TNFSF4: variants seen among roughly 807,000 people sequenced by gnomAD.
TNFSF4 encodes the protein tumor necrosis factor ligand superfamily member 4.
Under a neutral mutation model 7.3 loss-of-function variants are expected in TNFSF4, and 4 were observed. The observed-to-expected ratio is 0.55, with a 90% CI of 0.27 to 1.25. The LOEUF (loss-of-function observed/expected upper bound fraction) is 1.25, where lower values mean the gene tolerates loss of function less well. Among genes scored for constraint, TNFSF4 ranks in the 50% most tolerant of loss-of-function variants. The pLI, the probability that TNFSF4 is intolerant of heterozygous loss-of-function variation, is 0.12. For missense variants in TNFSF4, 181 were observed against 208.8 expected, an observed-to-expected ratio of 0.87 and a Z score of 0.82; for synonymous variants, 76 against 83.7, an observed-to-expected ratio of 0.91 and a Z score of 0.50.
chr1:173,340,323 TACACACACACAC>T, the TNFSF4 span, among the ~76,000 whole-genome samples: 259 of 135,866 alleles, frequency 1.9e-3, no homozygotes, highest in African/African-American at 4.2e-3. Flanking sequence ...CTAATCTGTT[TACACACACACAC>T]ACACACACAC....
At chr1:173,447,585 A>C in the TNFSF4 span, among the ~76,000 whole-genome samples, 7 of 152,266 alleles carry the variant, frequency 4.6e-5, no homozygotes, top group East Asian at 1.2e-3. Context: ...TTTTTAAAGA[A>C]TGAAATGGAA....
At chr1:173,203,113 A>G (rs1414533174) in intron 1 of TNFSF4, among the ~76,000 whole-genome samples, 4 of 152,192 alleles carry the variant, frequency 2.6e-5, no homozygotes, top group African/African-American at 9.7e-5. Context: ...GCACAAGTAA[A>G]CACTCAATGG....
chr1:173,390,096 T>C, the TNFSF4 span, among the ~76,000 whole-genome samples: 7 of 152,212 alleles, frequency 4.6e-5, no homozygotes. Context: ...GGTAATTTCT[T>C]GGTTTGGATG....
the TNFSF4 span, among the ~76,000 whole-genome samples, chr1:173,339,002 A>C: frequency 6.6e-6 from 1 of 152,150 alleles, no homozygotes; most frequent in Non-Finnish European, 1.5e-5. Context: ...CCCTGTGATT[A>C]AGGTCAGCGG....
chr1:173,247,159 C>T, the TNFSF4 span, among the ~76,000 whole-genome samples: 1 of 152,328 alleles, frequency 6.6e-6, no homozygotes, highest in Admixed American at 6.5e-5. Flanking sequence ...AGAGGGGATT[C>T]TGACCAATTA....
At chr1:173,246,866 T>G in the TNFSF4 span, among the ~76,000 whole-genome samples, 132 of 152,306 alleles carry the variant, frequency 8.7e-4, 1 homozygote, top group African/African-American at 2.8e-3. Flanking sequence ...CCTCCAGATA[T>G]TCTCTCTTTT....
chr1:173,265,019 A>T, the TNFSF4 span, among the ~76,000 whole-genome samples: 2 of 152,246 alleles, frequency 1.3e-5, no homozygotes, highest in Non-Finnish European at 2.9e-5. Flanking sequence ...TGATGGAAAT[A>T]TGTGTAAAGC....
the TNFSF4 span, among the ~76,000 whole-genome samples, chr1:173,236,624 T>A: frequency 1.3e-5 from 2 of 152,056 alleles, no homozygotes; most frequent in African/African-American, 4.8e-5. Context: ...GAAAATATGG[T>A]ATATATACAC....
the TNFSF4 span, among the ~76,000 whole-genome samples, chr1:173,231,428 T>C: frequency 6.6e-6 from 1 of 152,194 alleles, no homozygotes; most frequent in African/African-American, 2.4e-5. Context: ...ATAAATTAGG[T>C]ATTGATGGAA....
chr1:173,432,117 TGAA>T, the TNFSF4 span, among the ~76,000 whole-genome samples: 2 of 152,162 alleles, frequency 1.3e-5, no homozygotes, highest in East Asian at 3.8e-4. Context: ...CGTAATAATG[TGAA>T]GCAAGACACA....
chr1:173,441,153 A>G, the TNFSF4 span, among the ~76,000 whole-genome samples: 5 of 152,204 alleles, frequency 3.3e-5, no homozygotes, highest in African/African-American at 1.2e-4. Flanking sequence ...CCCAAAGCCC[A>G]GCAGGCTCCT....
At chr1:173,290,480 A>C in the TNFSF4 span, among the ~76,000 whole-genome samples, 1 of 152,166 alleles carries the variant, frequency 6.6e-6, no homozygotes, top group Non-Finnish European at 1.5e-5. Flanking sequence ...CAAAAATAAT[A>C]AAAAACAATA....
chr1:173,300,099 GTAGATAGATAGATAGATAGATAGATAGA>G, the TNFSF4 span, among the ~76,000 whole-genome samples: 2 of 147,746 alleles, frequency 1.4e-5, no homozygotes, highest in Non-Finnish European at 3.0e-5. Flanking sequence ...AAAATAGATG[GTAGATAGATAGATAGATAGATAGATAGA>G]TAGATAGATA....
chr1:173,313,649 C>T, the TNFSF4 span, among the ~76,000 whole-genome samples: 35 of 152,134 alleles, frequency 2.3e-4, no homozygotes, highest in East Asian at 6.6e-3. Context: ...ATACTCCTTT[C>T]GATAACCTCT....
chr1:173,445,255 A>C, the TNFSF4 span, among the ~76,000 whole-genome samples: 1 of 152,198 alleles, frequency 6.6e-6, no homozygotes, highest in African/African-American at 2.4e-5. Context: ...AGAAGTCAAA[A>C]ACTGAAACAG....
chr1:173,214,660 G>A, the TNFSF4 span, among the ~76,000 whole-genome samples: 59 of 152,298 alleles, frequency 3.9e-4, no homozygotes, highest in African/African-American at 1.3e-3. Flanking sequence ...ACTGAAAGCC[G>A]TCCTGGGCCA....
the TNFSF4 span, among the ~76,000 whole-genome samples, chr1:173,426,811 G>C: frequency 1.2e-3 from 187 of 152,172 alleles, 3 homozygotes; most frequent in Admixed American, 0.011. Flanking sequence ...CAGGGCTGCT[G>C]TCAAACTCTT....
intron 1 of TNFSF4, among the ~76,000 whole-genome samples, chr1:173,190,241 G>C (rs1649418552): frequency 6.6e-6 from 1 of 152,000 alleles, no homozygotes; most frequent in African/African-American, 2.4e-5. Context: ...AAGAACAACG[G>C]CTCTTCCCAC....
At chr1:173,314,989 C>CA in the TNFSF4 span, among the ~76,000 whole-genome samples, 1 of 151,988 alleles carries the variant, frequency 6.6e-6, no homozygotes, top group East Asian at 1.9e-4. Context: ...AGTGGAAACT[C>CA]AAAGGAGAGA....
Sources: allele counts gnomAD v4.1 joint callset (sites outside exome capture counted in the v4.1 genomes callset), GRCh38; gene constraint gnomAD v4.1.1; transcripts MANE v1.5; gene names NCBI Gene and HGNC (gene_info 2026-07-23, HGNC 2026-07-21).